The following SNX3 variants were observed in gnomAD, a reference collection of about 807,000 sequenced individuals.
The protein encoded by SNX3 is sorting nexin-3.
Under a neutral mutation model 17.7 loss-of-function variants are expected in SNX3, and 5 were observed. The ratio of observed to expected loss-of-function variants is 0.28; its 90% confidence interval spans 0.15 to 0.59. The LOEUF is 0.59. Among genes scored for constraint, SNX3 ranks in the 20% least tolerant of loss-of-function variants. SNX3 has a pLI of 0.88. For synonymous variants in SNX3, 91 were observed against 76.5 expected (o/e 1.19, Z -0.99); for missense variants, 132 against 206.8 (o/e 0.64, Z 2.22).
chr6:108,232,884 T>C (rs763724508), intron 1 of SNX3, among the ~76,000 whole-genome samples: 12 of 152,252 alleles, frequency 7.9e-5, no homozygotes, highest in Non-Finnish European at 1.3e-4. Context: ...AGATATGGTT[T>C]ATAACCTAGA....
intron 3 of SNX3, among the ~76,000 whole-genome samples, chr6:108,213,495 T>C (rs916953667): frequency 3.3e-5 from 5 of 151,592 alleles, no homozygotes; most frequent in African/African-American, 1.2e-4. Flanking sequence ...CTACTAAAAA[T>C]ACAAAAATAA....
At chr6:108,236,716 A>C (rs1190836883) in intron 1 of SNX3, among the ~76,000 whole-genome samples, 1 of 152,118 alleles carries the variant, frequency 6.6e-6, no homozygotes, top group Non-Finnish European at 1.5e-5. Context: ...GAACAAAACT[A>C]AGCTGTTTCT....
At chr6:108,213,953 A>G (rs1264640711) in intron 3 of SNX3, among the ~76,000 whole-genome samples, 6 of 152,246 alleles carry the variant, frequency 3.9e-5, no homozygotes, top group African/African-American at 7.2e-5. Flanking sequence ...CAAAATAGCT[A>G]TATTTCAAAT....
At chr6:108,218,019 C>T (rs1774642089) in intron 2 of SNX3, among the ~76,000 whole-genome samples, 1 of 152,114 alleles carries the variant, frequency 6.6e-6, no homozygotes, top group Non-Finnish European at 1.5e-5. Context: ...GTAAAACTTT[C>T]ACATGGATTT....
intron 1 of SNX3, among the ~76,000 whole-genome samples, chr6:108,244,844 T>C (rs1775635771): frequency 6.6e-6 from 1 of 151,970 alleles, no homozygotes; most frequent in African/African-American, 2.4e-5. Flanking sequence ...TTTCGCCATG[T>C]TGCCAGTCTG....
intron 1 of SNX3, among the ~76,000 whole-genome samples, chr6:108,236,364 A>ATATTATTATTATTAT (rs1232917759): frequency 7.9e-6 from 1 of 127,210 alleles, no homozygotes; most frequent in African/African-American, 3.2e-5. Context: ...GTTTCCACCT[A>ATATTATTATTATTAT]TATTATTATT....
rs1039399129 is a variant in SNX3 at position 108,211,840 on chromosome 6, G to A, written c.*309C>T. ...CAAGACGCAAAAACTGTGCAAATAAGACCAAGCCAGTAACTTTAGTTACGA... is the reference window on the plus strand; with the variant it reads ...CAAGACGCAAAAACTGTGCAAATAAAACCAAGCCAGTAACTTTAGTTACGA... On this transcript the variant is annotated 3_prime_UTR_variant, in exon 4 of 4. Transcript: ENST00000230085. The A allele has an allele frequency of 4.9e-6, 1 of 206,118 alleles. No individual in the cohort carries two copies. The allele number at this position is 206,118 out of a possible 1,614,324, so 12.8% of individuals were successfully genotyped here. A position where few individuals can be genotyped will look rare whatever the true frequency, so the allele number is the denominator to read the frequency against.
rs188804827 is a variant in SNX3, at chr6:108,216,585, T to A, written c.259-1963A>T. On this transcript the variant is annotated intron_variant, in intron 2 of 3. Coordinates refer to ENST00000230085, the MANE Select transcript of SNX3 (RefSeq NM_003795.6). ...TACTTTAAACGCAAACAGAGAAATG[T>A]GTAAGCAAACAATCAGAACAAGGAG... Among the ~76,000 whole-genome samples the A allele has an allele frequency of 6.6e-3, 1,002 of 152,266 alleles. 5 individuals are homozygous for A. Among genetic ancestry groups the A allele is most frequent in the African/African-American group, 0.023 (968 of 41,550 alleles).
At chr6:108,245,223 T>C (rs1162190794) in intron 1 of SNX3, among the ~76,000 whole-genome samples, 3 of 152,140 alleles carry the variant, frequency 2.0e-5, no homozygotes, top group South Asian at 2.1e-4. Flanking sequence ...TGGTTTTCTG[T>C]TCCTGTGTTA....
intron 2 of SNX3, among the ~76,000 whole-genome samples, chr6:108,218,907 T>C (rs935583282): frequency 6.6e-6 from 1 of 152,234 alleles, no homozygotes; most frequent in Non-Finnish European, 1.5e-5. Flanking sequence ...GGGTTTCTTT[T>C]ATTGGGTGAT....
chr6:108,223,614 C>T lies in SNX3; in HGVS notation c.163-569G>A, dbSNP rs1774884009. Among the ~76,000 whole-genome samples, 6 of 149,490 alleles carry T rather than the reference C, an allele frequency of 4.0e-5. No individual in the cohort carries two copies. The South Asian group carries it at 1.1e-3, about 26-fold the overall frequency. The stretch of plus-strand genomic sequence containing the variant: ...CTAGGGTCAAGTGATTCTCCTGCCT[C>T]AGCCTCCCAAGTAGCTGGGATTACA... On this transcript the variant is annotated intron_variant, in intron 1 of 3. Coordinates refer to ENST00000230085, the MANE Select transcript of SNX3 (RefSeq NM_003795.6).
At chr6:108,213,626 T>C (rs1377293807) in intron 3 of SNX3, among the ~76,000 whole-genome samples, 2 of 143,158 alleles carry the variant, frequency 1.4e-5, no homozygotes, top group Admixed American at 1.5e-4. Flanking sequence ...CACTCCAGCC[T>C]GGGCGACAGA....
At chr6:108,229,238 C>T (rs1452372584) in intron 1 of SNX3, among the ~76,000 whole-genome samples, 3 of 129,330 alleles carry the variant, frequency 2.3e-5, no homozygotes, top group Admixed American at 9.5e-5. Context: ...CCAGCCTGGG[C>T]GACAGAGCGA....
At chr6:108,244,813 G>T (rs1775634938) in intron 1 of SNX3, among the ~76,000 whole-genome samples, 1 of 151,688 alleles carries the variant, frequency 6.6e-6, no homozygotes, top group Non-Finnish European at 1.5e-5. Flanking sequence ...CTAATTTTTT[G>T]TGTTTTCAGT....
At chr6:108,216,237 G>C in intron 2 of SNX3, among the ~76,000 whole-genome samples, 1 of 148,826 alleles carries the variant, frequency 6.7e-6, no homozygotes, top group East Asian at 1.9e-4. Flanking sequence ...GTGCTACCAC[G>C]CCTGGCTAAT....
intron 1 of SNX3, among the ~76,000 whole-genome samples, chr6:108,256,500 T>C (rs1776034205): frequency 6.6e-6 from 1 of 152,258 alleles, no homozygotes; most frequent in Admixed American, 6.5e-5. Context: ...AAGATTCATG[T>C]GCCTTATCCC....
At chr6:108,245,050 G>A (rs150838336) in intron 1 of SNX3, among the ~76,000 whole-genome samples, 2,747 of 152,114 alleles carry the variant, frequency 0.018, 41 homozygotes, top group Middle Eastern at 0.075. Context: ...CTATCAACCC[G>A]TCATCTAAGT....
chr6:108,258,913 C>T (rs1252756316), intron 1 of SNX3, among the ~76,000 whole-genome samples: 1 of 151,946 alleles, frequency 6.6e-6, no homozygotes, highest in East Asian at 1.9e-4. Flanking sequence ...TAATATAATG[C>T]ATTCAGCAAG....
chr6:108,232,234 C>T (rs1436906527), intron 1 of SNX3, among the ~76,000 whole-genome samples: 1 of 152,104 alleles, frequency 6.6e-6, no homozygotes. Context: ...ATGCCGGATA[C>T]TCTTAAACTA....
Sources: allele counts gnomAD v4.1 joint callset (sites outside exome capture counted in the v4.1 genomes callset), GRCh38; gene constraint gnomAD v4.1.1; transcripts MANE v1.5; gene names NCBI Gene and HGNC (gene_info 2026-07-23, HGNC 2026-07-21).